SH3RF3: variants seen among roughly 807,000 people sequenced by gnomAD.
The protein encoded by SH3RF3 is SH3 domain containing ring finger 3.
In SH3RF3, 29 loss-of-function variants were observed where a neutral mutation model predicts 66.3. The ratio of observed to expected loss-of-function variants is 0.44; its 90% CI spans 0.33 to 0.60. SH3RF3 has a LOEUF of 0.60. Among genes scored for constraint, SH3RF3 ranks in the 20% least tolerant of loss-of-function variants. SH3RF3 has a pLI of 0.04. For missense variants in SH3RF3, 1,194 were observed against 1,190.9 expected (o/e 1.00, Z -0.04); for synonymous variants, 583 against 532.0 (o/e 1.10, Z -1.32).
chr2:109,456,018 G>A (rs1480682740), intron 8 of SH3RF3, among the ~76,000 whole-genome samples: 3 of 152,188 alleles, frequency 2.0e-5, no homozygotes, highest in African/African-American at 4.8e-5. Context: ...GCCTGCTCAC[G>A]GAGCCCCTTG....
At chr2:109,413,566 C>T (rs529859760) in intron 4 of SH3RF3, among the ~76,000 whole-genome samples, 66 of 152,310 alleles carry the variant, frequency 4.3e-4, no homozygotes, top group African/African-American at 1.2e-3. Context: ...CTGTCTCTCC[C>T]GCTCTAGAAT....
At chr2:109,137,565 C>G (rs748539718) in intron 1 of SH3RF3, among the ~76,000 whole-genome samples, 1 of 152,206 alleles carries the variant, frequency 6.6e-6, no homozygotes, top group Non-Finnish European at 1.5e-5. Flanking sequence ...CAAAGCACAC[C>G]ACCTTAGGTG....
chr2:109,413,639 G>A (rs1346990180), intron 4 of SH3RF3, among the ~76,000 whole-genome samples: 1 of 152,132 alleles, frequency 6.6e-6, no homozygotes, highest in African/African-American at 2.4e-5. Context: ...GAACGTCTCT[G>A]GCCCCCACAT....
At chr2:109,397,364 G>A (rs145025992) in intron 3 of SH3RF3, among the ~76,000 whole-genome samples, 1 of 152,256 alleles carries the variant, frequency 6.6e-6, no homozygotes, top group Non-Finnish European at 1.5e-5. Context: ...CAGCCTGATG[G>A]CATTTGCCTA....
chr2:109,416,670 A>T (rs1286869055), intron 4 of SH3RF3, among the ~76,000 whole-genome samples: 1 of 151,922 alleles, frequency 6.6e-6, no homozygotes, highest in East Asian at 2.0e-4. Flanking sequence ...GGTGTGAGCC[A>T]CTGCACTGGA....
chr2:109,195,596 A>G (rs1021225726), intron 1 of SH3RF3, among the ~76,000 whole-genome samples: 2 of 152,110 alleles, frequency 1.3e-5, no homozygotes, highest in Non-Finnish European at 2.9e-5. Flanking sequence ...TGCTGGAGCT[A>G]TTTTTGCATC....
At chr2:109,358,191 T>A (rs1441709920) in intron 2 of SH3RF3, among the ~76,000 whole-genome samples, 2 of 152,234 alleles carry the variant, frequency 1.3e-5, no homozygotes, top group African/African-American at 4.8e-5. Context: ...CAATTTGCAT[T>A]TAAGGTCCTT....
At chr2:109,363,059 T>A (rs1320438301) in intron 2 of SH3RF3, among the ~76,000 whole-genome samples, 1 of 152,192 alleles carries the variant, frequency 6.6e-6, no homozygotes, top group Non-Finnish European at 1.5e-5. Flanking sequence ...TTCAAAGTGA[T>A]GTGTGATAGA....
intron 1 of SH3RF3, among the ~76,000 whole-genome samples, chr2:109,205,166 C>T (rs571496378): frequency 6.6e-5 from 10 of 152,010 alleles, no homozygotes; most frequent in South Asian, 6.2e-4. Flanking sequence ...ATGTTTATGC[C>T]GCTGCACTCC....
At chr2:109,467,193 G>A (rs976805050) in intron 8 of SH3RF3, among the ~76,000 whole-genome samples, 6 of 152,354 alleles carry the variant, frequency 3.9e-5, no homozygotes, top group African/African-American at 9.6e-5. Context: ...TGAGGGATCC[G>A]TAGCAGCTTT....
chr2:109,430,021 A>G (rs1035714977), intron 5 of SH3RF3, among the ~76,000 whole-genome samples: 1 of 152,182 alleles, frequency 6.6e-6, no homozygotes, highest in Non-Finnish European at 1.5e-5. Flanking sequence ...CACCTTGCCT[A>G]CCAGCCCAGG....
intron 2 of SH3RF3, among the ~76,000 whole-genome samples, chr2:109,359,989 T>C (rs1683022378): frequency 6.6e-6 from 1 of 150,436 alleles, no homozygotes; most frequent in South Asian, 2.1e-4. Flanking sequence ...TTAAAAGCCA[T>C]CCAGCAGAAT....
At chr2:109,328,630 G>C (rs2105480306) in intron 1 of SH3RF3, among the ~76,000 whole-genome samples, 1 of 152,294 alleles carries the variant, frequency 6.6e-6, no homozygotes, top group South Asian at 2.1e-4. Context: ...AGGATGCCTA[G>C]GTCATGGTAC....
intron 9 of SH3RF3, among the ~76,000 whole-genome samples, chr2:109,496,879 A>G (rs1190552282): frequency 1.3e-5 from 2 of 152,228 alleles, no homozygotes; most frequent in Non-Finnish European, 2.9e-5. Context: ...TGTAATCACA[A>G]AGGGTCCTTA....
chr2:109,471,967 T>C lies in SH3RF3; in HGVS notation c.2149-18638T>C, dbSNP rs549475615. On this transcript the variant is annotated intron_variant, in intron 8 of 9. Coordinates refer to ENST00000309415, the MANE Select transcript of SH3RF3 (RefSeq NM_001099289.3). ...GTCTGAAGCAGGCCATTTTCCTCCA[T>C]GGTTATATTGCCAATTCAGGGAGAA... 4.0e-4 allele frequency among the ~76,000 whole-genome samples: 61 copies of C among 152,324 alleles called. No individual in the cohort carries two copies. In the South Asian group the frequency reaches 7.7e-3, roughly 19 times the overall value.
At chr2:109,216,511 A>G (rs1300551374) in intron 1 of SH3RF3, among the ~76,000 whole-genome samples, 1 of 152,214 alleles carries the variant, frequency 6.6e-6, no homozygotes, top group African/African-American at 2.4e-5. Flanking sequence ...ACCTGGCCGC[A>G]AAGCTTAAGT....
intron 3 of SH3RF3, among the ~76,000 whole-genome samples, chr2:109,377,944 G>A (rs1440666989): frequency 6.6e-6 from 1 of 152,234 alleles, no homozygotes; most frequent in Non-Finnish European, 1.5e-5. Context: ...CGGATAGCTC[G>A]GGCATTGTTG....
chr2:109,406,123 T>G (rs1676447293), intron 4 of SH3RF3, among the ~76,000 whole-genome samples: 1 of 152,178 alleles, frequency 6.6e-6, no homozygotes, highest in Non-Finnish European at 1.5e-5. Flanking sequence ...CCCTAGGGAT[T>G]CTTCCTCTGC....
In SH3RF3 at chr2:109,449,245, C is replaced by T; in HGVS notation, c.1904C>T (p.Ser635Phe). ...CCCCTGCGCACCCAGAACTCTCCATCCCGCCTGCCTGCCACCAGCCTCAGG... is the reference window on the plus strand; with the variant it reads ...CCCCTGCGCACCCAGAACTCTCCATTCCGCCTGCCTGCCACCAGCCTCAGG... ...VSPLRTQNSP[S>F]RLPATSLRPH... is the part of the protein sequence containing the mutation. The change falls in exon 8 of 10, where the codon TCC (serine) becomes TTC (phenylalanine). Residue 635 changes from serine (S) to phenylalanine (F), a missense_variant. Transcript: ENST00000309415. The T allele has an allele frequency of 6.2e-7, 1 of 1,613,052 alleles. No individual in the cohort carries two copies. Among genetic ancestry groups the T allele is most frequent in the Non-Finnish European group, 8.5e-7 (1 of 1,179,634 alleles).
Sources: allele counts gnomAD v4.1 joint callset (sites outside exome capture counted in the v4.1 genomes callset), GRCh38; gene constraint gnomAD v4.1.1; transcripts MANE v1.5; gene names NCBI Gene and HGNC (gene_info 2026-07-23, HGNC 2026-07-21).